The following GRM7 variants were observed in gnomAD, a reference collection of about 807,000 sequenced individuals.
GRM7 encodes the protein metabotropic glutamate receptor 7.
Under a neutral mutation model 84.5 loss-of-function variants are expected in GRM7, and 35 were observed. The observed-to-expected ratio is 0.41, with a 90% confidence interval of 0.32 to 0.55. The LOEUF (loss-of-function observed/expected upper bound fraction) is 0.55, where lower values mean the gene tolerates loss of function less well. Ranked by LOEUF, GRM7 falls within the 20% of genes least tolerant of loss-of-function variation. GRM7 has a pLI of 0.19. For synonymous variants in GRM7, 487 were observed against 455.1 expected, an observed-to-expected ratio of 1.07 and a Z score of -0.89; for missense variants, 1,003 against 1,194.6, an observed-to-expected ratio of 0.84 and a Z score of 2.36.
chr3:7,087,930 G>T (rs990129960), intron 1 of GRM7, among the ~76,000 whole-genome samples: 10 of 152,142 alleles, frequency 6.6e-5, no homozygotes, highest in African/African-American at 2.4e-4. Flanking sequence ...AGTTTAGAGG[G>T]CAAACCAATG....
chr3:6,966,527 A>G (rs1426460007), intron 1 of GRM7, among the ~76,000 whole-genome samples: 3 of 152,232 alleles, frequency 2.0e-5, no homozygotes, highest in Non-Finnish European at 4.4e-5. Flanking sequence ...AACTTCCCTA[A>G]GATTGCCCAT....
intron 1 of GRM7, among the ~76,000 whole-genome samples, chr3:7,109,649 C>G (rs964730340): frequency 1.3e-5 from 2 of 152,016 alleles, no homozygotes; most frequent in African/African-American, 4.8e-5. Context: ...AAGCTGGACT[C>G]CTTTTCATTT....
chr3:7,474,313 G>A (rs1489975681), intron 7 of GRM7, among the ~76,000 whole-genome samples: 2 of 151,816 alleles, frequency 1.3e-5, no homozygotes, highest in Non-Finnish European at 2.9e-5. Context: ...TCTCATTACC[G>A]TAGCTGGAAT....
At chr3:7,474,729 A>C (rs1036548339) in intron 7 of GRM7, among the ~76,000 whole-genome samples, 2 of 152,126 alleles carry the variant, frequency 1.3e-5, no homozygotes, top group Admixed American at 1.3e-4. Flanking sequence ...TTCACATATA[A>C]TTTTGAATGT....
intron 1 of GRM7, among the ~76,000 whole-genome samples, chr3:7,098,531 T>C (rs574909858): frequency 6.6e-6 from 1 of 152,140 alleles, no homozygotes; most frequent in Admixed American, 6.6e-5. Context: ...ATTAACTTCA[T>C]ATATCACTTG....
At chr3:7,040,018 A>G (rs1696536864) in intron 1 of GRM7, among the ~76,000 whole-genome samples, 2 of 152,228 alleles carry the variant, frequency 1.3e-5, no homozygotes, top group Admixed American at 1.3e-4. Flanking sequence ...ACAAATGGCC[A>G]GTATTTTTCT....
At chr3:7,508,019 T>C (rs1465552511) in intron 7 of GRM7, among the ~76,000 whole-genome samples, 1 of 152,202 alleles carries the variant, frequency 6.6e-6, no homozygotes, top group Non-Finnish European at 1.5e-5. Context: ...AAAGATAATC[T>C]ATAATATTGT....
chr3:6,881,047 T>C (rs1371030705), intron 1 of GRM7, among the ~76,000 whole-genome samples: 1 of 152,192 alleles, frequency 6.6e-6, no homozygotes, highest in East Asian at 1.9e-4. Context: ...ATTATATGCC[T>C]GTACATTGTC....
intron 7 of GRM7, among the ~76,000 whole-genome samples, chr3:7,485,428 A>G (rs1178115116): frequency 6.6e-6 from 1 of 152,254 alleles, no homozygotes; most frequent in Non-Finnish European, 1.5e-5. Context: ...TATGCAGTGT[A>G]AATAGGTTGA....
At chr3:7,641,948 G>A (rs867363960) in intron 8 of GRM7, among the ~76,000 whole-genome samples, 15 of 39,444 alleles carry the variant, frequency 3.8e-4, no homozygotes, top group Non-Finnish European at 5.4e-4. Context: ...GGGGAAAACC[G>A]TCATTAAAAA....
intron 2 of GRM7, among the ~76,000 whole-genome samples, chr3:7,237,406 T>C (rs1423293711): frequency 1.3e-5 from 2 of 152,130 alleles, no homozygotes; most frequent in Non-Finnish European, 2.9e-5. Context: ...CCAAACCCCA[T>C]GTCTTCCCTT....
chr3:7,726,519 A>T (rs956536182), intron 9 of GRM7, among the ~76,000 whole-genome samples: 1 of 149,432 alleles, frequency 6.7e-6, no homozygotes, highest in African/African-American at 2.5e-5. Flanking sequence ...TGAAAAGTTT[A>T]AAACTTACGA....
At position 6,874,233 on chromosome 3, in the gene GRM7, T is replaced by C. The variant is rs963993029; in HGVS notation, c.519+12326T>C. 4.6e-5 allele frequency among the ~76,000 whole-genome samples: 7 copies of C among 152,366 alleles called. 1 individual carries two copies. Among genetic ancestry groups the C allele is most frequent in the East Asian group, 3.9e-4 (2 of 5,192 alleles). On this transcript the variant is annotated intron_variant, in intron 1 of 9. Coordinates refer to ENST00000357716, the MANE Select transcript of GRM7 (RefSeq NM_000844.4). ...CTCAATAAAGGTTAGTTGCCATAAC[T>C]GCTTATAATAACTCATTATCAGTAA... is the stretch of plus-strand genomic sequence containing the variant.
chr3:6,929,422 G>T lies in GRM7; in HGVS notation c.519+67515G>T, dbSNP rs570292165. Among the ~76,000 whole-genome samples the T allele has an allele frequency of 2.3e-3, 348 of 152,280 alleles. 2 individuals are homozygous for T. Among genetic ancestry groups the T allele is most frequent in the Non-Finnish European group, 3.8e-3 (256 of 68,032 alleles). On this transcript the variant is annotated intron_variant, in intron 1 of 9. Coordinates refer to ENST00000357716, the MANE Select transcript of GRM7 (RefSeq NM_000844.4). ...CTCAGAATCCAGAAACTAGTGAAAGGTATGGGAACTAAAATTGAATAGTTA... is the reference window on the plus strand; with the variant it reads ...CTCAGAATCCAGAAACTAGTGAAAGTTATGGGAACTAAAATTGAATAGTTA...
At chr3:7,590,998 C>T (rs1695756649) in intron 8 of GRM7, among the ~76,000 whole-genome samples, 1 of 152,138 alleles carries the variant, frequency 6.6e-6, no homozygotes, top group Non-Finnish European at 1.5e-5. Context: ...CAATAAATCC[C>T]TGTGGATTGG....
intron 1 of GRM7, among the ~76,000 whole-genome samples, chr3:6,895,430 C>T (rs983195774): frequency 1.1e-4 from 16 of 152,164 alleles, no homozygotes; most frequent in African/African-American, 3.6e-4. Context: ...AGAATAACTG[C>T]TGTTTTCTGC....
Position 7,039,780 on chromosome 3 carries a change from C to A in GRM7, c.520-106672C>A, listed in dbSNP as rs551828199. 2.0e-5 allele frequency among the ~76,000 whole-genome samples: 3 copies of A among 151,896 alleles called. No homozygotes were observed. The South Asian group carries it at 6.2e-4, about 32-fold the overall frequency. On this transcript the variant is annotated intron_variant, in intron 1 of 9. Transcript: ENST00000357716. ...CTGTTCCACCAGCGATGGATTTGAT[C>A]TATTATTGCCGATCGGTTTTTTTGT...
At chr3:7,581,016 C>T (rs1333598404) in intron 8 of GRM7, among the ~76,000 whole-genome samples, 3 of 152,106 alleles carry the variant, frequency 2.0e-5, no homozygotes, top group Non-Finnish European at 2.9e-5. Context: ...CTCAATACCT[C>T]ATGCAACAGG....
rs890133031 is a variant in GRM7, at chr3:7,332,870, T to C, written c.1033+26218T>C. 2.0e-5 allele frequency among the ~76,000 whole-genome samples: 3 copies of C among 152,232 alleles called. No homozygotes were observed. In the South Asian group the frequency reaches 6.2e-4, roughly 32 times the overall value. On this transcript the variant is annotated intron_variant, in intron 4 of 9. Transcript: ENST00000357716. The stretch of plus-strand genomic sequence containing the variant: ...CCTGCCCCTACTGGATGGATGGTTT[T>C]TTCTACCAGCCCTGGTAGCTAAAGG...
Sources: allele counts gnomAD v4.1 joint callset (sites outside exome capture counted in the v4.1 genomes callset), GRCh38; gene constraint gnomAD v4.1.1; transcripts MANE v1.5; gene names NCBI Gene and HGNC (gene_info 2026-07-23, HGNC 2026-07-21).